The following HOMER2 variants were observed in gnomAD, a reference collection of about 807,000 sequenced individuals.
HOMER2 encodes the protein homer protein homolog 2.
Under a neutral mutation model 47.0 loss-of-function variants are expected in HOMER2, and 27 were observed. The ratio of observed to expected loss-of-function variants is 0.57; its 90% CI spans 0.42 to 0.79. The LOEUF is 0.79. Among genes scored for constraint, HOMER2 ranks in the 30% least tolerant of loss-of-function variants. HOMER2 has a pLI of 0.00. For missense variants in HOMER2, 443 were observed against 435.0 expected, an observed-to-expected ratio of 1.02 and a Z score of -0.16; for synonymous variants, 161 against 163.8, an observed-to-expected ratio of 0.98 and a Z score of 0.13.
chr15:82,911,291 T>C (rs2053446724), intron 1 of HOMER2, among the ~76,000 whole-genome samples: 1 of 152,194 alleles, frequency 6.6e-6, no homozygotes, highest in African/African-American at 2.4e-5. Context: ...TTTTTTTCCT[T>C]TACTTGCAAA....
chr15:82,949,997 T>A (rs916375161), intron 1 of HOMER2, among the ~76,000 whole-genome samples: 41 of 151,968 alleles, frequency 2.7e-4, no homozygotes, highest in African/African-American at 9.9e-4. Flanking sequence ...AGGGATGGAA[T>A]GGAGGCTACC....
At chr15:82,850,104 C>A (rs534206366) in intron 8 of HOMER2, among the ~76,000 whole-genome samples, 36 of 152,346 alleles carry the variant, frequency 2.4e-4, no homozygotes, top group African/African-American at 8.4e-4. Flanking sequence ...TCAGTGACCT[C>A]CTCCTTTCCT....
intron 1 of HOMER2, among the ~76,000 whole-genome samples, chr15:82,937,932 C>CA (rs2054177464): frequency 6.6e-6 from 1 of 152,212 alleles, no homozygotes; most frequent in East Asian, 1.9e-4. Flanking sequence ...CTTCAATCTT[C>CA]AACCGGTCCC....
intron 1 of HOMER2, among the ~76,000 whole-genome samples, chr15:82,936,572 C>CT (rs768478448): frequency 7.9e-5 from 12 of 151,830 alleles, no homozygotes; most frequent in Non-Finnish European, 1.2e-4. Context: ...TCTCCTATTT[C>CT]TTTTTTTTGT....
intron 1 of HOMER2, among the ~76,000 whole-genome samples, chr15:82,903,440 C>A (rs1437594524): frequency 6.6e-6 from 1 of 151,586 alleles, no homozygotes; most frequent in East Asian, 1.9e-4. Flanking sequence ...TGGAGAAACC[C>A]TGTCTCTACT....
At chr15:82,868,541 A>ATATATATATTTTTTTTTTT in intron 3 of HOMER2, among the ~76,000 whole-genome samples, 1 of 71,290 alleles carries the variant, frequency 1.4e-5, no homozygotes. Flanking sequence ...ATATATATAT[A>ATATATATATTTTTTTTTTT]TTTTTTTTTT....
chr15:82,841,010 A>AT (rs2051171052), exon 2 of HOMER2: 1 of 152,142 alleles, frequency 6.6e-6, no homozygotes, highest in African/African-American at 2.4e-5. Context: ...CAGAAAAAAA[A>AT]TTACCCAACT....
intron 1 of HOMER2, among the ~76,000 whole-genome samples, chr15:82,893,922 T>A (rs894824565): frequency 6.6e-6 from 1 of 152,228 alleles, no homozygotes; most frequent in Non-Finnish European, 1.5e-5. Flanking sequence ...TGAGCCATTA[T>A]AGGGCATGAA....
chr15:82,910,207 C>T (rs548320914), intron 1 of HOMER2, among the ~76,000 whole-genome samples: 17 of 146,264 alleles, frequency 1.2e-4, no homozygotes, highest in Admixed American at 8.2e-4. Context: ...AAGAAAGTGA[C>T]GGACATCTCA....
chr15:82,919,042 C>A (rs966655780), intron 1 of HOMER2, among the ~76,000 whole-genome samples: 11 of 152,212 alleles, frequency 7.2e-5, no homozygotes, highest in Non-Finnish European at 1.5e-4. Context: ...GATCTCAACC[C>A]TCAGGGTGCA....
chr15:82,852,117 C>T (rs2051414713), intron 7 of HOMER2, 25 bp downstream of exon 7: 1 of 1,558,192 alleles, frequency 6.4e-7, no homozygotes, highest in Admixed American at 1.7e-5. Context: ...CGCCAAGGGG[C>T]CCTGCTCGGA....
intron 7 of HOMER2, 123 bp from the exon 8 acceptor site, chr15:82,851,354 G>A: frequency 1.5e-6 from 1 of 675,210 alleles, no homozygotes; most frequent in Admixed American, 2.3e-5. Context: ...TGCATAGACA[G>A]TGATAGTGAC....
At chr15:82,935,902 C>G (rs1746667278) in intron 1 of HOMER2, among the ~76,000 whole-genome samples, 1 of 152,208 alleles carries the variant, frequency 6.6e-6, no homozygotes, top group African/African-American at 2.4e-5. Flanking sequence ...GCATCCCCCA[C>G]AGAGCAGAAG....
rs2053500442 is a variant in HOMER2, at chr15:82,913,431, C to G, written c.6-20590G>C. The stretch of plus-strand genomic sequence containing the variant: ...GAACTTCTCTTCTGCATCTGGAAAC[C>G]CCATGCAGTTCCTAACCAATGGTGC... On this transcript the variant is annotated intron_variant, in intron 1 of 8. Transcript: ENST00000450735. The surrounding 1 kb of genome is among the most constrained non-coding windows in gnomAD (Gnocchi z 4.1). 1.3e-5 allele frequency among the ~76,000 whole-genome samples: 2 copies of G among 152,226 alleles called. No homozygotes were observed. Among genetic ancestry groups the G allele is most frequent in the Admixed American group, 1.3e-4 (2 of 15,288 alleles).
At chr15:82,857,422 C>CTTTT (rs71156058) in intron 5 of HOMER2, among the ~76,000 whole-genome samples, 4 of 74,190 alleles carry the variant, frequency 5.4e-5, no homozygotes, top group African/African-American at 1.2e-4. Context: ...GATGATACAG[C>CTTTT]TTTTTTTTTT....
At chr15:82,879,324 C>T (rs1887568567) in intron 2 of HOMER2, among the ~76,000 whole-genome samples, 1 of 152,146 alleles carries the variant, frequency 6.6e-6, no homozygotes, top group Admixed American at 6.6e-5. Context: ...GGCAAAACCC[C>T]ATCTCGACTA....
intron 8 of HOMER2, 25 bp from the exon 9 acceptor site, chr15:82,849,928 T>C (rs1194661540): frequency 6.2e-7 from 1 of 1,605,784 alleles, no homozygotes. Context: ...GGGAGAAGGG[T>C]CTAGAAAACT....
chr15:82,955,319 G>A (rs1054005569), upstream of HOMER2, among the ~76,000 whole-genome samples: 4 of 151,972 alleles, frequency 2.6e-5, no homozygotes, highest in Admixed American at 2.0e-4. Flanking sequence ...ACAAGCGCAT[G>A]CCACCACACC....
In HOMER2 at chr15:82,897,065, C is replaced by CTTTTTTTTTTT. The variant is rs68038013; in HGVS notation, c.6-4235_6-4225dup. On this transcript the variant is annotated intron_variant, in intron 1 of 8. Coordinates refer to ENST00000450735, the MANE Select transcript of HOMER2 (RefSeq NM_004839.4). ...ACAGGTCTGAAATTTGATGTCATTT[C>CTTTTTTTTTTT]TTTTTTTTTTTTTTTTTTTTAGATG... Among the ~76,000 whole-genome samples the CTTTTTTTTTTT allele has an allele frequency of 1.1e-3, 109 of 101,688 alleles. 5 individuals carry two copies. Among genetic ancestry groups the CTTTTTTTTTTT allele is most frequent in the East Asian group, 1.3e-3 (4 of 3,124 alleles). The allele number at this position is 101,688 out of a possible 152,430, so 66.7% of individuals were successfully genotyped here.
Sources: allele counts gnomAD v4.1 joint callset (sites outside exome capture counted in the v4.1 genomes callset), GRCh38; gene constraint gnomAD v4.1.1; non-coding constraint Gnocchi (gnomAD v3.1); transcripts MANE v1.5; gene names NCBI Gene and HGNC (gene_info 2026-07-23, HGNC 2026-07-21).